The following INPP4B variants were observed in gnomAD, a reference collection of about 807,000 sequenced individuals.
INPP4B encodes the protein inositol polyphosphate-4-phosphatase type II B.
A neutral mutation model predicts 122.5 loss-of-function variants in INPP4B; 55 were observed. That is an observed-to-expected ratio of 0.45 (90% CI 0.36 to 0.56). INPP4B has a LOEUF of 0.56. Among genes scored for constraint, INPP4B ranks in the 20% least tolerant of loss-of-function variants. The probability of loss-of-function intolerance (pLI) is 0.00; values close to 1 mark genes in which losing one functional copy is unlikely to be tolerated. For synonymous variants in INPP4B, 403 were observed against 388.7 expected, an observed-to-expected ratio of 1.04 and a Z score of -0.43; for missense variants, 1,000 against 1,097.7, an observed-to-expected ratio of 0.91 and a Z score of 1.26.
chr4:142,332,885 C>T (rs949855336), intron 7 of INPP4B, among the ~76,000 whole-genome samples: 1 of 149,812 alleles, frequency 6.7e-6, no homozygotes, highest in African/African-American at 2.4e-5. Context: ...GTGGCGGGTG[C>T]CTATAGTCCC....
chr4:142,809,696 A>G (rs1341439483), intron 1 of INPP4B, among the ~76,000 whole-genome samples: 1 of 152,174 alleles, frequency 6.6e-6, no homozygotes, highest in African/African-American at 2.4e-5. Context: ...AGCTTATTTA[A>G]CAGTGGTGAA....
intron 2 of INPP4B, among the ~76,000 whole-genome samples, chr4:142,642,702 G>A (rs1300848699): frequency 3.9e-5 from 6 of 152,198 alleles, no homozygotes; most frequent in African/African-American, 1.4e-4. Context: ...CAGGTAGCGT[G>A]ATGCCTCCAG....
At chr4:142,062,742 A>AAAAC (rs3043162) in intron 25 of INPP4B, among the ~76,000 whole-genome samples, 63,211 of 149,032 alleles carry the variant, frequency 0.42, 14,966 homozygotes, top group Admixed American at 0.53. Flanking sequence ...TCCCCCCGCA[A>AAAAC]AAACAAACAA....
rs1338636635 is a variant in INPP4B, at chr4:142,737,858, A to T, written c.-253-11957T>A. On this transcript the variant is annotated intron_variant, in intron 1 of 25. Coordinates refer to ENST00000262992, the MANE Select transcript of INPP4B (RefSeq NM_001101669.3). ...ATGCAGCCAAAAAACACATGAAAAAATGCTCATCATCACTGGCCATCAGAG... is the reference window on the plus strand; with the variant it reads ...ATGCAGCCAAAAAACACATGAAAAATTGCTCATCATCACTGGCCATCAGAG... 2.0e-5 allele frequency among the ~76,000 whole-genome samples: 3 copies of T among 152,258 alleles called. No homozygotes were observed. In the East Asian group the frequency reaches 5.8e-4, roughly 29 times the overall value.
intron 1 of INPP4B, among the ~76,000 whole-genome samples, chr4:142,800,684 C>G (rs1448067760): frequency 1.3e-5 from 2 of 152,126 alleles, no homozygotes; most frequent in Admixed American, 6.6e-5. Flanking sequence ...CCCTAAAACA[C>G]CACAGGATGT....
At chr4:142,053,956 T>C (rs1756070904) in intron 25 of INPP4B, among the ~76,000 whole-genome samples, 1 of 151,298 alleles carries the variant, frequency 6.6e-6, no homozygotes, top group East Asian at 1.9e-4. Flanking sequence ...CGAGTTCATT[T>C]TCTTAAAAGC....
At chr4:142,046,929 A>C (rs1029484020) in intron 25 of INPP4B, among the ~76,000 whole-genome samples, 1 of 152,106 alleles carries the variant, frequency 6.6e-6, no homozygotes, top group Non-Finnish European at 1.5e-5. Context: ...CTCACCTTAC[A>C]AGGCTTATAG....
chr4:142,369,465 T>G (rs1330271175), intron 7 of INPP4B, among the ~76,000 whole-genome samples: 1 of 151,644 alleles, frequency 6.6e-6, no homozygotes, highest in Non-Finnish European at 1.5e-5. Flanking sequence ...AGTCCCCCGC[T>G]ACTTGGGAGG....
chr4:142,173,895 A>C, intron 15 of INPP4B, 86 bp from the exon 16 acceptor site: 1 of 1,029,900 alleles, frequency 9.7e-7, no homozygotes, highest in Admixed American at 1.9e-5. Flanking sequence ...GATAAACAGA[A>C]CTCCAAGTAT....
chr4:142,656,307 C>T (rs1449754097), intron 2 of INPP4B, among the ~76,000 whole-genome samples: 3 of 152,146 alleles, frequency 2.0e-5, no homozygotes, highest in African/African-American at 7.2e-5. Flanking sequence ...GATAAGAATC[C>T]CGTCTGTAGC....
intron 1 of INPP4B, among the ~76,000 whole-genome samples, chr4:142,762,512 C>T (rs1421368122): frequency 2.0e-5 from 3 of 152,130 alleles, no homozygotes; most frequent in Non-Finnish European, 2.9e-5. Flanking sequence ...TCGCTTATGG[C>T]ACATTGCTGA....
At chr4:142,211,616 T>C (rs1844932078) in intron 12 of INPP4B, among the ~76,000 whole-genome samples, 1 of 152,206 alleles carries the variant, frequency 6.6e-6, no homozygotes, top group South Asian at 2.1e-4. Context: ...AGCTGGTTAT[T>C]TGGTCATGTG....
chr4:142,090,334 T>G (rs1355574120), intron 23 of INPP4B, among the ~76,000 whole-genome samples: 1 of 151,950 alleles, frequency 6.6e-6, no homozygotes, highest in African/African-American at 2.4e-5. Context: ...TCTATTTCTA[T>G]AGTGACAAAA....
At chr4:142,222,802 A>G (rs1283559634) in intron 12 of INPP4B, among the ~76,000 whole-genome samples, 55 of 152,168 alleles carry the variant, frequency 3.6e-4, no homozygotes, top group Admixed American at 3.5e-3. Flanking sequence ...ATACCTATGA[A>G]GTGTGCTAGG....
At chr4:142,502,400 T>G (rs899022742) in intron 2 of INPP4B, among the ~76,000 whole-genome samples, 1 of 152,184 alleles carries the variant, frequency 6.6e-6, no homozygotes, top group African/African-American at 2.4e-5. Flanking sequence ...CCCACCCTTT[T>G]GGGCCAAAAC....
At chr4:142,684,207 T>G (rs370504725) in intron 2 of INPP4B, among the ~76,000 whole-genome samples, 1 of 152,194 alleles carries the variant, frequency 6.6e-6, no homozygotes, top group East Asian at 1.9e-4. Flanking sequence ...CCAACAAGGT[T>G]GCCCAGTATT....
At chr4:142,367,436 C>T (rs572607397) in intron 7 of INPP4B, among the ~76,000 whole-genome samples, 8 of 152,116 alleles carry the variant, frequency 5.3e-5, no homozygotes, top group East Asian at 1.9e-4. Flanking sequence ...ATATGGAACT[C>T]TTAGTATGGC....
In INPP4B at chr4:142,208,983, C is replaced by G; in HGVS notation, c.880G>C (p.Asp294His). 6.2e-7 allele frequency: 1 copy of G among 1,605,274 alleles called. No individual in the cohort carries two copies. Among genetic ancestry groups the G allele is most frequent in the East Asian group, 2.2e-5 (1 of 44,676 alleles). The change falls in exon 13 of 26, where the codon GAC (aspartate) becomes CAC (histidine). Residue 294 changes from aspartate to histidine, a missense_variant. Coordinates refer to ENST00000262992, the MANE Select transcript of INPP4B (RefSeq NM_001101669.3). ...GTAAGGACATTTTTTCGCAGATTGT[C>G]CCAATGTGGAGAAAGCTCACCAAGT... ...KELGELSPHW[D>H]NLRKNVLTHC...
rs779318300 is a variant in INPP4B, at chr4:142,028,889, G to A, written c.2668C>T (p.Leu890=). 3 of 1,612,986 alleles carry A rather than the reference G, an allele frequency of 1.9e-6. No homozygotes were observed. Among genetic ancestry groups the A allele is most frequent in the Non-Finnish European group, 2.5e-6 (3 of 1,179,444 alleles). The change falls in exon 26 of 26, where the codon CTG becomes TTG. Residue 890 remains leucine (L), a synonymous_variant. Transcript: ENST00000262992. ...TACTTTCTGCATTTGATATTCTTCA[G>A]TACATTCTCTATGCGGCATCCTTCT... ...RREGCRIENV[L]KNIKCRKYAF...
Sources: allele counts gnomAD v4.1 joint callset (sites outside exome capture counted in the v4.1 genomes callset), GRCh38; gene constraint gnomAD v4.1.1; transcripts MANE v1.5; gene names NCBI Gene and HGNC (gene_info 2026-07-23, HGNC 2026-07-21).